Variants in NEK6 observed in about 807,000 individuals in gnomAD.
NEK6 encodes the protein NIMA related kinase 6.
In NEK6, 27 loss-of-function variants were observed where a neutral mutation model predicts 43.5. The ratio of observed to expected loss-of-function variants is 0.62; its 90% CI spans 0.46 to 0.86. The LOEUF is 0.86. Ranked by LOEUF, NEK6 falls within the 40% of genes least tolerant of loss-of-function variation. NEK6 has a pLI of 0.00. For synonymous variants in NEK6, 167 were observed against 164.1 expected (o/e 1.02, Z -0.14); for missense variants, 318 against 414.4 (o/e 0.77, Z 2.02).
At position 124,324,941 on chromosome 9, in the gene NEK6, G is replaced by C. The variant is rs556503207; in HGVS notation, c.406-1389G>C. Among the ~76,000 whole-genome samples the C allele has an allele frequency of 6.6e-6, 1 of 152,162 alleles. No individual in the cohort carries two copies. Among genetic ancestry groups the C allele is most frequent in the Non-Finnish European group, 1.5e-5 (1 of 68,006 alleles). ...TGTAATCCCAGCACTTTGGGAGGCC[G>C]AGGCAGGCAGATCACCTGAGGTGAG... On this transcript the variant is annotated intron_variant, in intron 5 of 9. Transcript: ENST00000320246. This position sits in a 1 kb window ranked among gnomAD's most constrained non-coding sequence, Gnocchi z 5.3.
chr9:124,325,540 CTGG>C (rs998898357), intron 5 of NEK6, among the ~76,000 whole-genome samples: 5 of 152,244 alleles, frequency 3.3e-5, no homozygotes, highest in African/African-American at 1.2e-4. Context: ...ATGCAGGTAG[CTGG>C]TGAAGAAGTC....
intron 1 of NEK6, among the ~76,000 whole-genome samples, chr9:124,273,747 G>GC (rs1831540698): frequency 6.6e-6 from 1 of 152,220 alleles, no homozygotes; most frequent in Non-Finnish European, 1.5e-5. Context: ...CTGAGTGGCG[G>GC]CTCGCAGCCT....
At chr9:124,269,898 C>A (rs1036499928) in intron 1 of NEK6, among the ~76,000 whole-genome samples, 1 of 152,212 alleles carries the variant, frequency 6.6e-6, no homozygotes, top group South Asian at 2.1e-4. Context: ...CTCTCTCTCT[C>A]CCTGCAGTGC....
intron 1 of NEK6, among the ~76,000 whole-genome samples, chr9:124,280,424 G>A (rs1476874627): frequency 2.6e-5 from 4 of 152,238 alleles, no homozygotes; most frequent in African/African-American, 9.6e-5. Flanking sequence ...TGTCCCAGCC[G>A]AGCACTCCAG....
At chr9:124,262,528 C>T (rs904735773) in intron 1 of NEK6, among the ~76,000 whole-genome samples, 16 of 152,238 alleles carry the variant, frequency 1.1e-4, no homozygotes, top group South Asian at 2.1e-4. Flanking sequence ...GATGACTTCT[C>T]GGGTGATCTG....
rs1438744477 is a variant in NEK6 at position 124,304,487 on chromosome 9, TAATG to T, written c.90+2434_90+2437del. On this transcript the variant is annotated intron_variant, in intron 2 of 9. Transcript: ENST00000320246. The stretch of plus-strand genomic sequence containing the variant: ...TTTCCTCATCTATAAAATGGGATAA[TAATG>T]CCGCTTCCCTCATGAGGCGGCTGTG... 2.0e-5 allele frequency among the ~76,000 whole-genome samples: 3 copies of T among 152,194 alleles called. No homozygotes were observed. The East Asian group carries it at 5.8e-4, about 29-fold the overall frequency.
intron 3 of NEK6, among the ~76,000 whole-genome samples, chr9:124,313,273 AAT>A (rs921161738): frequency 2.0e-5 from 3 of 152,048 alleles, no homozygotes; most frequent in Admixed American, 6.5e-5. Flanking sequence ...CGGGAGAGAG[AAT>A]GGCGTTGGGG....
chr9:124,283,610 G>C (rs1359863568), intron 1 of NEK6, among the ~76,000 whole-genome samples: 1 of 152,228 alleles, frequency 6.6e-6, no homozygotes, highest in Non-Finnish European at 1.5e-5. Flanking sequence ...GCCATGTGCA[G>C]GTCATGGCAG....
At chr9:124,276,799 G>T (rs190485128) in intron 1 of NEK6, among the ~76,000 whole-genome samples, 2 of 152,374 alleles carry the variant, frequency 1.3e-5, no homozygotes, top group East Asian at 1.9e-4. Flanking sequence ...CCTGCAGTTA[G>T]AGCATGGGGA....
At chr9:124,304,666 AG>A (rs1220229144) in intron 2 of NEK6, among the ~76,000 whole-genome samples, 1 of 152,206 alleles carries the variant, frequency 6.6e-6, no homozygotes, top group Non-Finnish European at 1.5e-5. Context: ...CCCCCAGTGT[AG>A]AAAGAAAGAA....
Position 124,315,790 on chromosome 9 carries a change from C to T in NEK6, c.294+1805C>T, listed in dbSNP as rs574481749. ...TGCAGAGGGGATTTGGTCCCTTCTC[C>T]AGGGCTGCCATGCAGCCAAGGGCAC... On this transcript the variant is annotated intron_variant, in intron 4 of 9. Coordinates refer to ENST00000320246, the MANE Select transcript of NEK6 (RefSeq NM_014397.6). Among the ~76,000 whole-genome samples, 3 of 152,342 alleles carry T rather than the reference C, an allele frequency of 2.0e-5. No individual in the cohort carries two copies. The East Asian group carries it at 5.8e-4, about 29-fold the overall frequency.
intron 1 of NEK6, chr9:124,259,223 A>G (rs1268156800): frequency 6.6e-6 from 1 of 152,238 alleles, no homozygotes; most frequent in Non-Finnish European, 1.5e-5. Flanking sequence ...CTTTAAGGCA[A>G]ACTTTAGAAA....
At chr9:124,281,326 G>A (rs1041536449) in intron 1 of NEK6, among the ~76,000 whole-genome samples, 7 of 152,212 alleles carry the variant, frequency 4.6e-5, no homozygotes, top group East Asian at 1.9e-4. Flanking sequence ...CCTCAGCCAC[G>A]ATTGAAAAAG....
At chr9:124,292,474 G>T in intron 1 of NEK6, 1 of 1,537,022 alleles carries the variant, frequency 6.5e-7, no homozygotes, top group Non-Finnish European at 8.7e-7. Context: ...GGAGGCCACG[G>T]GCTTGAAAGC....
chr9:124,346,379 C>T (rs576277706), intron 8 of NEK6, among the ~76,000 whole-genome samples: 20 of 152,176 alleles, frequency 1.3e-4, no homozygotes, highest in African/African-American at 2.4e-5. Flanking sequence ...CCCTCAAACC[C>T]TGCTACCAAG....
intron 1 of NEK6, among the ~76,000 whole-genome samples, chr9:124,299,517 T>G (rs906793090): frequency 6.6e-6 from 1 of 152,184 alleles, no homozygotes; most frequent in African/African-American, 2.4e-5. Flanking sequence ...TGTGTCACCT[T>G]GGGATGTCAC....
At chr9:124,310,153 C>T (rs965663526) in intron 2 of NEK6, among the ~76,000 whole-genome samples, 1 of 152,226 alleles carries the variant, frequency 6.6e-6, no homozygotes, top group African/African-American at 2.4e-5. Context: ...GGGTCACACC[C>T]CAGCTCTGCT....
At chr9:124,286,838 G>A (rs1832188014) in intron 1 of NEK6, among the ~76,000 whole-genome samples, 1 of 152,226 alleles carries the variant, frequency 6.6e-6, no homozygotes, top group Admixed American at 6.5e-5. Context: ...CATGAGTAGG[G>A]ACTTCCCCTC....
rs537448418 is a variant in NEK6 at position 124,318,910 on chromosome 9, A to T, written c.295-2549A>T. On this transcript the variant is annotated intron_variant, in intron 4 of 9. Transcript: ENST00000320246. ...GGTCTTGAACTCCTGACTTCAGGTG[A>T]TCCACCCACCTTGGCCTCCCAAAGT... Among the ~76,000 whole-genome samples the T allele has an allele frequency of 4.0e-5, 6 of 151,198 alleles. No homozygotes were observed. In the East Asian group the frequency reaches 9.9e-4, roughly 25 times the overall value.
Sources: gnomAD v4.1 joint callset for allele counts (sites outside exome capture counted in the v4.1 genomes callset) on GRCh38, gnomAD v4.1.1 for gene constraint, Gnocchi (gnomAD v3.1) non-coding constraint, MANE v1.5 for transcripts, NCBI Gene and HGNC (gene_info 2026-07-23, HGNC 2026-07-21) for gene names.